EYS: variants seen among roughly 807,000 people sequenced by gnomAD.
The protein encoded by EYS is protein eyes shut homolog.
A neutral mutation model predicts 282.1 loss-of-function variants in EYS; 250 were observed. The ratio of observed to expected loss-of-function variants is 0.89; its 90% confidence interval spans 0.80 to 0.98. The LOEUF (loss-of-function observed/expected upper bound fraction) is 0.98, where lower values mean the gene tolerates loss of function less well. Among genes scored for constraint, EYS ranks in the 50% least tolerant of loss-of-function variants. The pLI is 0.00. For missense variants in EYS, 4,016 were observed against 3,709.0 expected (o/e 1.08, Z -2.15); for synonymous variants, 1,355 against 1,282.9 (o/e 1.06, Z -1.20).
chr6:64,358,749 A>G (rs538771658), intron 29 of EYS, among the ~76,000 whole-genome samples: 1 of 151,800 alleles, frequency 6.6e-6, no homozygotes, highest in South Asian at 2.1e-4. Flanking sequence ...CCAAGAATTC[A>G]ATGCCAGAAA....
intron 33 of EYS, among the ~76,000 whole-genome samples, chr6:64,025,696 CA>C (rs1464481041): frequency 6.6e-6 from 1 of 152,160 alleles, no homozygotes; most frequent in Non-Finnish European, 1.5e-5. Context: ...ACAGGCCCAA[CA>C]AAAGCTGTTC....
At position 64,483,163 on chromosome 6, in the gene EYS, C is replaced by T. The variant is rs551499267; in HGVS notation, c.5645-43811G>A. 1.7e-4 allele frequency among the ~76,000 whole-genome samples: 26 copies of T among 151,520 alleles called. 1 individual carries two copies. Among genetic ancestry groups the T allele is most frequent in the Non-Finnish European group, 1.0e-4 (7 of 67,694 alleles). ...TTCTAACACAAATATTAAGCTCTAC[C>T]TCTATAGTGTGAAAAGCCATGGACA... On this transcript the variant is annotated intron_variant, in intron 26 of 42. Transcript: ENST00000503581.
At chr6:64,762,816 T>C (rs1773204440) in intron 22 of EYS, among the ~76,000 whole-genome samples, 1 of 152,228 alleles carries the variant, frequency 6.6e-6, no homozygotes, top group African/African-American at 2.4e-5. Context: ...TATGTTATTG[T>C]CTTGAAAGAA....
intron 22 of EYS, chr6:64,631,605 C>A (rs1767785319): frequency 6.6e-6 from 1 of 152,060 alleles, no homozygotes; most frequent in Admixed American, 6.6e-5. Context: ...TAATGCAGAG[C>A]CCATGTCTCC....
At chr6:64,915,530 T>A (rs1768132860) in intron 15 of EYS, among the ~76,000 whole-genome samples, 1 of 152,136 alleles carries the variant, frequency 6.6e-6, no homozygotes, top group South Asian at 2.1e-4. Flanking sequence ...CATGACATGA[T>A]GAATAAAAAG....
At position 64,287,447 on chromosome 6, in the gene EYS, T is replaced by A. The variant is rs117872522; in HGVS notation, c.6191+19523A>T. On this transcript the variant is annotated intron_variant, in intron 30 of 42. Transcript: ENST00000503581. ...TATACATATGGTATACTGAAAAGGA[T>A]TGAATACCACATATTCTTGCTAACC... is the stretch of plus-strand genomic sequence containing the variant. 8.9e-4 allele frequency among the ~76,000 whole-genome samples: 135 copies of A among 152,302 alleles called. 1 individual carries two copies. In the East Asian group the frequency reaches 0.02, roughly 22 times the overall value.
chr6:64,652,396 G>T (rs185926888), intron 22 of EYS, among the ~76,000 whole-genome samples: 106 of 152,204 alleles, frequency 7.0e-4, no homozygotes, highest in African/African-American at 2.4e-3. Context: ...TGAACAAGGG[G>T]GCAAGGACCT....
At chr6:65,374,084 T>G (rs1392337855) in intron 8 of EYS, among the ~76,000 whole-genome samples, 2 of 152,196 alleles carry the variant, frequency 1.3e-5, no homozygotes, top group Non-Finnish European at 1.5e-5. Flanking sequence ...GATTACCAAC[T>G]GTAGTAAGAT....
chr6:64,172,287 A>G (rs1764501205), intron 31 of EYS, among the ~76,000 whole-genome samples: 1 of 152,108 alleles, frequency 6.6e-6, no homozygotes, highest in African/African-American at 2.4e-5. Flanking sequence ...AATACAGTAT[A>G]CATAATTATA....
intron 12 of EYS, among the ~76,000 whole-genome samples, chr6:65,219,811 G>A (rs1394366028): frequency 1.3e-5 from 2 of 152,172 alleles, no homozygotes; most frequent in Admixed American, 1.3e-4. Flanking sequence ...TTACATGGCG[G>A]CAGGCAAGAG....
chr6:65,182,877 C>A (rs554100279), intron 12 of EYS, among the ~76,000 whole-genome samples: 40 of 152,094 alleles, frequency 2.6e-4, no homozygotes, highest in African/African-American at 9.2e-4. Context: ...CATCCTTGAC[C>A]TCTCTGGCTC....
intron 13 of EYS, among the ~76,000 whole-genome samples, chr6:65,036,485 CACTT>C (rs1239911960): frequency 6.6e-6 from 1 of 151,336 alleles, no homozygotes; most frequent in Non-Finnish European, 1.5e-5. Context: ...TGACAAATGG[CACTT>C]AATTAAAGAG....
chr6:64,467,252 CA>C (rs1051940310), intron 26 of EYS, among the ~76,000 whole-genome samples: 2 of 151,922 alleles, frequency 1.3e-5, no homozygotes, highest in African/African-American at 4.8e-5. Context: ...ATCTTATTGG[CA>C]AAAATTTTGC....
At chr6:64,430,923 T>C (rs1774557181) in intron 28 of EYS, among the ~76,000 whole-genome samples, 1 of 152,140 alleles carries the variant, frequency 6.6e-6, no homozygotes, top group Non-Finnish European at 1.5e-5. Context: ...AAATGAACTT[T>C]TCACAAAGAT....
intron 8 of EYS, among the ~76,000 whole-genome samples, chr6:65,356,877 T>C (rs1261604990): frequency 6.6e-6 from 1 of 152,036 alleles, no homozygotes; most frequent in Non-Finnish European, 1.5e-5. Flanking sequence ...CATTTATACC[T>C]TGTGTGTTCA....
intron 33 of EYS, among the ~76,000 whole-genome samples, chr6:64,000,520 A>G (rs868621299): frequency 6.6e-6 from 1 of 151,942 alleles, no homozygotes; most frequent in Non-Finnish European, 1.5e-5. Flanking sequence ...TTTTAAAACC[A>G]GAGAAGTTCC....
intron 31 of EYS, among the ~76,000 whole-genome samples, chr6:64,102,580 G>T (rs1223146964): frequency 6.6e-6 from 1 of 152,032 alleles, no homozygotes; most frequent in Non-Finnish European, 1.5e-5. Flanking sequence ...TGAATGAAGA[G>T]AATATTTTTC....
At chr6:63,799,621 G>A (rs768755205) in intron 37 of EYS, among the ~76,000 whole-genome samples, 3 of 152,174 alleles carry the variant, frequency 2.0e-5, no homozygotes, top group African/African-American at 4.8e-5. Flanking sequence ...GAAATGGAAA[G>A]AATTTATGAT....
At chr6:65,033,167 C>A (rs1214456000) in intron 13 of EYS, among the ~76,000 whole-genome samples, 2 of 152,038 alleles carry the variant, frequency 1.3e-5, no homozygotes, top group Non-Finnish European at 2.9e-5. Context: ...CAACCTAGCT[C>A]AGATGTGGGA....
Sources: gnomAD v4.1 joint callset for allele counts (sites outside exome capture counted in the v4.1 genomes callset) on GRCh38, gnomAD v4.1.1 for gene constraint, MANE v1.5 for transcripts, NCBI Gene and HGNC (gene_info 2026-07-23, HGNC 2026-07-21) for gene names.